The following FGF13 variants were observed in gnomAD, a reference collection of about 807,000 sequenced individuals.
The protein encoded by FGF13 is fibroblast growth factor 13.
In FGF13, 2 loss-of-function variants were observed where a neutral mutation model predicts 19.5. The ratio of observed to expected loss-of-function variants is 0.10; its 90% CI spans 0.04 to 0.32. The LOEUF is 0.32. Ranked by LOEUF, FGF13 falls within the 10% of genes least tolerant of loss-of-function variation. The pLI is 1.00. For missense variants in FGF13, 113 were observed against 192.7 expected (o/e 0.59, Z 2.45); for synonymous variants, 72 against 76.9 (o/e 0.94, Z 0.33).
intron 1 of FGF13, among the ~76,000 whole-genome samples, chrX:138,881,306 T>C (rs1368135060): frequency 8.9e-6 from 1 of 111,984 alleles, no homozygotes; most frequent in Non-Finnish European, 1.9e-5. Context: ...TTGTTTATTA[T>C]CTCTAGTAGC....
intron 1 of FGF13, among the ~76,000 whole-genome samples, chrX:139,173,673 T>G (rs2084153001): frequency 9.0e-6 from 1 of 111,098 alleles, no homozygotes; most frequent in Non-Finnish European, 1.9e-5. Context: ...TGTTCCTGTG[T>G]AAGTTTGCTA....
intron 1 of FGF13, among the ~76,000 whole-genome samples, chrX:138,913,339 G>A (rs1296297053): frequency 3.7e-5 from 4 of 108,057 alleles, no homozygotes; most frequent in African/African-American, 1.4e-4. Flanking sequence ...GCTAATTTTT[G>A]TATTTTTAGT....
At chrX:138,788,815 A>C (rs2090715375) in intron 3 of FGF13, among the ~76,000 whole-genome samples, 1 of 111,909 alleles carries the variant, frequency 8.9e-6, no homozygotes, top group East Asian at 2.8e-4. Context: ...GGACATACTG[A>C]GAAATTTCCA....
At chrX:139,039,543 T>G (rs1364428268) in intron 1 of FGF13, among the ~76,000 whole-genome samples, 1 of 112,037 alleles carries the variant, frequency 8.9e-6, no homozygotes, top group Non-Finnish European at 1.9e-5. Context: ...ACTGTTTTGC[T>G]TATGTATTCT....
At chrX:138,798,089 C>A (rs986938200) in intron 3 of FGF13, among the ~76,000 whole-genome samples, 1 of 111,788 alleles carries the variant, frequency 8.9e-6, no homozygotes, top group Non-Finnish European at 1.9e-5. Flanking sequence ...AACAGAACTT[C>A]CAATACTATG....
intron 3 of FGF13, among the ~76,000 whole-genome samples, chrX:138,840,057 T>G: frequency 8.9e-6 from 1 of 111,965 alleles, no homozygotes; most frequent in East Asian, 2.8e-4. Flanking sequence ...CAATGTCAGA[T>G]GCTGGGGACA....
intron 3 of FGF13, among the ~76,000 whole-genome samples, chrX:138,644,263 G>C (rs914634145): frequency 1.8e-5 from 2 of 110,775 alleles, no homozygotes; most frequent in Non-Finnish European, 3.8e-5. Flanking sequence ...TTATATTCTT[G>C]TACCTCAGGA....
Position 138,802,806 on chromosome X carries a change from T to C in FGF13, c.217+54706A>G, listed in dbSNP as rs184656723. On this transcript the variant is annotated intron_variant, in intron 3 of 6. Coordinates refer to the FGF13 transcript ENST00000436198. The stretch of plus-strand genomic sequence containing the variant: ...CATGCTCTTCCTTGTTGGTCTCACA[T>C]ACTTTTATGTATTACTCACTCCATT... 1.5e-4 allele frequency among the ~76,000 whole-genome samples: 17 copies of C among 111,451 alleles called. No individual in the cohort carries two copies. In the Admixed American group the frequency reaches 1.5e-3, roughly 10 times the overall value.
chrX:139,102,454 A>G (rs886613121), intron 1 of FGF13, among the ~76,000 whole-genome samples: 2 of 111,637 alleles, frequency 1.8e-5, no homozygotes, highest in African/African-American at 6.5e-5. Context: ...TCTATTACTT[A>G]CTTGCTGAGA....
At chrX:138,654,121 C>G (rs1013010769) in intron 3 of FGF13, among the ~76,000 whole-genome samples, 1 of 111,654 alleles carries the variant, frequency 9.0e-6, no homozygotes, top group Non-Finnish European at 1.9e-5. Flanking sequence ...CTCCATGCCT[C>G]AGTTTCCTCA....
At chrX:138,637,693 A>G (rs1344565082) in intron 3 of FGF13, among the ~76,000 whole-genome samples, 2 of 111,936 alleles carry the variant, frequency 1.8e-5, no homozygotes, top group African/African-American at 3.3e-5. Context: ...AGCTTATCAT[A>G]TATTTGTAGG....
chrX:138,936,166 T>C (rs961429180), intron 1 of FGF13, among the ~76,000 whole-genome samples: 10 of 112,617 alleles, frequency 8.9e-5, no homozygotes, highest in Non-Finnish European at 1.3e-4. Flanking sequence ...CAGTCTACAC[T>C]GGTTGTGCTC....
At chrX:138,726,173 A>G (rs1284890638) in intron 1 of FGF13, among the ~76,000 whole-genome samples, 3 of 111,093 alleles carry the variant, frequency 2.7e-5, no homozygotes, top group Non-Finnish European at 5.7e-5. Context: ...CAAAAAGACA[A>G]TAGTTTTGAG....
intron 1 of FGF13, among the ~76,000 whole-genome samples, chrX:138,965,441 G>T (rs1289737377): frequency 8.9e-6 from 1 of 112,211 alleles, no homozygotes; most frequent in African/African-American, 3.2e-5. Context: ...AGGAATAAGT[G>T]AATGGATATC....
At chrX:138,721,258 CAAATT>C (rs2090145652) in intron 1 of FGF13, among the ~76,000 whole-genome samples, 1 of 111,583 alleles carries the variant, frequency 9.0e-6, no homozygotes, top group Non-Finnish European at 1.9e-5. Context: ...TTTAAGGTAA[CAAATT>C]AAAGATTGTG....
At chrX:139,052,653 C>T (rs1237363304) in intron 1 of FGF13, among the ~76,000 whole-genome samples, 1 of 111,259 alleles carries the variant, frequency 9.0e-6, no homozygotes, top group Non-Finnish European at 1.9e-5. Flanking sequence ...TCTCAAAACA[C>T]TCCTGTCATA....
At chrX:138,636,311 T>C (rs2089183745) in intron 3 of FGF13, among the ~76,000 whole-genome samples, 1 of 111,835 alleles carries the variant, frequency 8.9e-6, no homozygotes, top group East Asian at 2.8e-4. Flanking sequence ...GCAAGGAATT[T>C]ACAGCAATTT....
intron 1 of FGF13, among the ~76,000 whole-genome samples, chrX:138,963,195 C>T (rs911366451): frequency 8.9e-6 from 1 of 112,816 alleles, no homozygotes; most frequent in African/African-American, 3.2e-5. Flanking sequence ...TATCTAACTT[C>T]TTGAGCATCT....
At chrX:139,016,643 A>T (rs767704119) in intron 1 of FGF13, among the ~76,000 whole-genome samples, 6 of 111,946 alleles carry the variant, frequency 5.4e-5, no homozygotes, top group Admixed American at 9.4e-5. Flanking sequence ...AACATATTTT[A>T]TTCACTTCAG....
Sources: allele counts gnomAD v4.1 joint callset (sites outside exome capture counted in the v4.1 genomes callset), GRCh38; gene constraint gnomAD v4.1.1; transcripts MANE v1.5; gene names NCBI Gene and HGNC (gene_info 2026-07-23, HGNC 2026-07-21).